ARHGEF4: variants seen among roughly 807,000 people sequenced by gnomAD.
ARHGEF4 encodes the protein Rho guanine nucleotide exchange factor 4.
In ARHGEF4, 119 loss-of-function variants were observed where a neutral mutation model predicts 162.0. That is an observed-to-expected ratio of 0.73 (90% CI 0.63 to 0.86). The LOEUF (loss-of-function observed/expected upper bound fraction) is 0.86, where lower values mean the gene tolerates loss of function less well. Ranked by LOEUF, ARHGEF4 falls within the 40% of genes least tolerant of loss-of-function variation. The probability of loss-of-function intolerance (pLI) is 0.00; values close to 1 mark genes in which losing one functional copy is unlikely to be tolerated. For missense variants in ARHGEF4, 2,488 were observed against 2,456.0 expected (o/e 1.01, Z -0.28); for synonymous variants, 1,014 against 979.9 (o/e 1.03, Z -0.65).
intron 3 of ARHGEF4, among the ~76,000 whole-genome samples, chr2:130,932,921 A>G (rs998202305): frequency 6.6e-6 from 1 of 152,192 alleles, no homozygotes; most frequent in African/African-American, 2.4e-5. Flanking sequence ...ATCCTTGTCA[A>G]AAACCAACTT....
chr2:130,997,785 G>A (rs1300060803), intron 4 of ARHGEF4, among the ~76,000 whole-genome samples: 1 of 152,162 alleles, frequency 6.6e-6, no homozygotes, highest in Non-Finnish European at 1.5e-5. Flanking sequence ...AACCGTTTGA[G>A]TATAATGCAA....
At chr2:130,911,597 G>T (rs1681190574) in intron 1 of ARHGEF4, among the ~76,000 whole-genome samples, 1 of 152,204 alleles carries the variant, frequency 6.6e-6, no homozygotes, top group Non-Finnish European at 1.5e-5. Context: ...TTCAGTATCT[G>T]TACACTGCAA....
At chr2:130,891,149 A>G (rs578250176) in intron 1 of ARHGEF4, among the ~76,000 whole-genome samples, 3 of 152,316 alleles carry the variant, frequency 2.0e-5, no homozygotes, top group Non-Finnish European at 2.9e-5. Context: ...TCTCTGACTC[A>G]CTGTGAGCTC....
chr2:131,044,818 C>T lies in ARHGEF4; in HGVS notation c.5401+276C>T, dbSNP rs375634968. On this transcript the variant is annotated intron_variant, in intron 12 of 13. Transcript: ENST00000409359. ...TTTTGGGGAGTTGTTTCACTACACG[C>T]GCTCACATGTGCACACACTCCATAG... Among the ~76,000 whole-genome samples, 6 of 152,242 alleles carry T rather than the reference C, an allele frequency of 3.9e-5. No individual in the cohort carries two copies. The East Asian group carries it at 5.8e-4, about 15-fold the overall frequency.
chr2:130,837,641 G>T lies in ARHGEF4; in HGVS notation c.39+649G>T, dbSNP rs1351902878. On this transcript the variant is annotated intron_variant, in intron 1 of 13. Transcript: ENST00000409359. The stretch of plus-strand genomic sequence containing the variant: ...CCCCACAGGAACCCCAAGATGGGCC[G>T]GGGGCTCCGGGGCACTGTCAGGGGT... 4 of 448,290 alleles carry T rather than the reference G, an allele frequency of 8.9e-6. No homozygotes were observed. The East Asian group carries it at 2.2e-4, about 25-fold the overall frequency. The allele number at this position is 448,290 out of a possible 1,614,324, so 27.8% of individuals were successfully genotyped here.
At position 130,914,875 on chromosome 2, in the gene ARHGEF4, A is replaced by C; in HGVS notation, c.929A>C (p.His310Pro). The C allele has an allele frequency of 1.3e-6, 2 of 1,491,444 alleles. No homozygotes were observed. The highest frequency in any genetic ancestry group is 1.8e-6 in the Non-Finnish European group (2 of 1,118,258). The allele number at this position is 1,491,444 out of a possible 1,614,324, so 92.4% of individuals were successfully genotyped here. Reference sequence around the variant, plus strand: ...TGCCTCCTACGCACCAACCGTCACCATAGTGCCCCAGAAACTACTGGTGAC... The same window carrying C: ...TGCCTCCTACGCACCAACCGTCACCCTAGTGCCCCAGAAACTACTGGTGAC... The part of the protein sequence containing the change: ...TSCLLRTNRH[H>P]SAPETTGDKN... The change falls in exon 2 of 14, where the codon CAT becomes CCT. Residue 310 changes from histidine to proline, a missense_variant. Around this residue, in one of 6 missense-constraint regions of ARHGEF4, gnomAD observed 1,642 missense variants for 1,481.5 expected, o/e 1.11. Transcript: ENST00000409359.
Position 131,046,330 on chromosome 2 carries a change from C to T in ARHGEF4, c.*141C>T, listed in dbSNP as rs887648240. 32 of 851,494 alleles carry T rather than the reference C, an allele frequency of 3.8e-5. No individual in the cohort carries two copies. Among genetic ancestry groups the T allele is most frequent in the Middle Eastern group, 4.7e-4 (2 of 4,230 alleles). 52.7% of individuals were successfully genotyped at this position (851,494 alleles called of 1,614,324 possible). Reference sequence around the variant, plus strand: ...TGGGGAGTTGCTTGTGCCACCAAGACGTGCCAGGTCTGTACTCCTGTTGTC... The same window carrying T: ...TGGGGAGTTGCTTGTGCCACCAAGATGTGCCAGGTCTGTACTCCTGTTGTC... On this transcript the variant is annotated 3_prime_UTR_variant, in exon 14 of 14. Transcript: ENST00000409359.
intron 4 of ARHGEF4, among the ~76,000 whole-genome samples, chr2:130,993,795 T>G (rs564171370): frequency 6.6e-6 from 1 of 152,320 alleles, no homozygotes; most frequent in South Asian, 2.1e-4. Context: ...TTTGTTGGTT[T>G]GTTTTTGAGA....
intron 4 of ARHGEF4, among the ~76,000 whole-genome samples, chr2:131,012,824 G>A (rs1270689707): frequency 3.3e-5 from 5 of 152,116 alleles, no homozygotes; most frequent in South Asian, 2.1e-4. Context: ...CAGGTGATCC[G>A]CCCACCTTGG....
intron 4 of ARHGEF4, among the ~76,000 whole-genome samples, chr2:131,001,188 AGCTACTC>A (rs1157904794): frequency 6.6e-6 from 1 of 151,290 alleles, no homozygotes; most frequent in African/African-American, 2.4e-5. Flanking sequence ...CTGTAATCCC[AGCTACTC>A]GGGAGGCTGA....
rs757826614 is a variant in ARHGEF4 at position 131,044,335 on chromosome 2, C to T, written c.5194C>T (p.Arg1732Trp). Residue 1732 changes from arginine (R) to tryptophan (W), a missense_variant, in exon 12 of 14, where the codon CGG (arginine) becomes TGG (tryptophan). Physicochemically the swap from Arg to Trp is moderately radical, Grantham distance 101. Around this residue, in one of 6 missense-constraint regions of ARHGEF4, gnomAD observed 415 missense variants for 512.4 expected, o/e 0.81. Transcript: ENST00000409359. ...LRRDVLYYKG[R>W]LDMDGLEVVD... ...CCGCGACGTGTTGTACTACAAGGGC[C>T]GGCTGGACATGGACGGCCTGGAGGT... 5.0e-6 allele frequency: 8 copies of T among 1,609,700 alleles called. No homozygotes were observed. The highest frequency in any genetic ancestry group is 2.2e-5 in the East Asian group (1 of 44,758).
intron 9 of ARHGEF4, 45 bp from the exon 10 acceptor site, chr2:131,041,770 T>G (rs1012588948): frequency 3.8e-6 from 6 of 1,599,090 alleles, no homozygotes; most frequent in Non-Finnish European, 5.1e-6. Context: ...TCACCCTTTC[T>G]CTGTCTCCAG....
chr2:130,911,437 A>G (rs1437983776), intron 1 of ARHGEF4, among the ~76,000 whole-genome samples: 1 of 152,212 alleles, frequency 6.6e-6, no homozygotes, highest in Non-Finnish European at 1.5e-5. Context: ...GCCCCAGGCC[A>G]TTCCCAGGAC....
chr2:131,041,373 G>A lies in ARHGEF4; in HGVS notation c.4806G>A (p.Leu1602=), dbSNP rs1161592639. 2 of 1,613,514 alleles carry A rather than the reference G, an allele frequency of 1.2e-6. No individual in the cohort carries two copies. The highest frequency in any genetic ancestry group is 1.7e-5 in the Admixed American group (1 of 60,030). Residue 1602 remains leucine, a synonymous_variant, in exon 9 of 14, where the codon CTG becomes CTA. Coordinates refer to ENST00000409359, the MANE Select transcript of ARHGEF4 (RefSeq NM_001367493.1). ...TGCAGAAGATGATTGACATCTCCCTGGATGGCTTCCTGCTGACTCCGGTGC... is the reference window on the plus strand; with the variant it reads ...TGCAGAAGATGATTGACATCTCCCTAGATGGCTTCCTGCTGACTCCGGTGC... ...RLLQKMIDIS[L]DGFLLTPVQK... is the part of the protein sequence containing the mutation.
chr2:131,034,369 T>C (rs1558880187), intron 5 of ARHGEF4, among the ~76,000 whole-genome samples: 1 of 152,200 alleles, frequency 6.6e-6, no homozygotes, highest in Non-Finnish European at 1.5e-5. Context: ...CTTTGAAACC[T>C]ACAGGGTTAA....
chr2:130,941,657 A>G (rs186309571), intron 3 of ARHGEF4, among the ~76,000 whole-genome samples: 1 of 152,354 alleles, frequency 6.6e-6, no homozygotes, highest in African/African-American at 2.4e-5. Flanking sequence ...AAAGTAAGCC[A>G]GAGAAAGAGA....
At chr2:131,011,424 G>T (rs1210497348) in intron 4 of ARHGEF4, among the ~76,000 whole-genome samples, 1 of 152,192 alleles carries the variant, frequency 6.6e-6, no homozygotes, top group East Asian at 1.9e-4. Flanking sequence ...CATTTGAATA[G>T]ACAGTGTCAG....
rs1473640761 is a variant in ARHGEF4, at chr2:130,916,528, C to T, written c.2582C>T (p.Pro861Leu). The change falls in exon 2 of 14, where the codon CCG becomes CTG. Residue 861 changes from proline to leucine, a missense_variant. Pro to Leu is a moderately conservative substitution (Grantham distance 98, BLOSUM62 -3). Around this residue, in one of 6 missense-constraint regions of ARHGEF4, gnomAD observed 1,642 missense variants for 1,481.5 expected, o/e 1.11. Transcript: ENST00000409359. Reference protein sequence around the residue: ...GDASAWPEFVPQAAGDRTAGP... With the variant: ...GDASAWPEFVLQAAGDRTAGP... ...GCCAGCGCCTGGCCCGAGTTTGTCC[C>T]GCAGGCTGCAGGCGACAGGACTGCA... The T allele has an allele frequency of 4.5e-6, 7 of 1,549,588 alleles. No homozygotes were observed. The highest frequency in any genetic ancestry group is 1.7e-4 in the Middle Eastern group (1 of 5,840).
rs114202689 is a variant in ARHGEF4 at position 130,845,905 on chromosome 2, C to T, written c.39+8913C>T. Among the ~76,000 whole-genome samples, 582 of 152,358 alleles carry T rather than the reference C, an allele frequency of 3.8e-3. 2 individuals carry two copies. Among genetic ancestry groups the T allele is most frequent in the African/African-American group, 0.013 (538 of 41,592 alleles). ...ACAGTGACAGAAAGCACACAAGTGG[C>T]TGCCTGGGGACAGGTGAGCGTGGGC... On this transcript the variant is annotated intron_variant, in intron 1 of 13. Coordinates refer to ENST00000409359, the MANE Select transcript of ARHGEF4 (RefSeq NM_001367493.1).
Sources: allele counts gnomAD v4.1 joint callset (sites outside exome capture counted in the v4.1 genomes callset), GRCh38; gene constraint gnomAD v4.1.1; regional missense constraint gnomAD v4.1.1; transcripts MANE v1.5; gene names NCBI Gene and HGNC (gene_info 2026-07-23, HGNC 2026-07-21).